ACSL3: variants seen among roughly 807,000 people sequenced by gnomAD.
ACSL3 encodes the protein acyl-CoA synthetase long chain family member 3.
A neutral mutation model predicts 84.7 loss-of-function variants in ACSL3; 34 were observed. The observed-to-expected ratio is 0.40, with a 90% CI of 0.31 to 0.53. The LOEUF (loss-of-function observed/expected upper bound fraction) is 0.53, where lower values mean the gene tolerates loss of function less well. ACSL3 is among the 20% of genes least tolerant of loss of function. The pLI, the probability that ACSL3 is intolerant of heterozygous loss-of-function variation, is 0.48. For synonymous variants in ACSL3, 315 were observed against 299.4 expected (o/e 1.05, Z -0.54); for missense variants, 680 against 873.1 (o/e 0.78, Z 2.79).
At chr2:222,913,932 A>G (rs937185721) in intron 4 of ACSL3, among the ~76,000 whole-genome samples, 1 of 152,202 alleles carries the variant, frequency 6.6e-6, no homozygotes, top group Non-Finnish European at 1.5e-5. Context: ...TGTAGTAAGC[A>G]CTAATAAAGG....
At chr2:222,874,832 T>C (rs1256600624) in intron 1 of ACSL3, among the ~76,000 whole-genome samples, 2 of 151,920 alleles carry the variant, frequency 1.3e-5, no homozygotes, top group Non-Finnish European at 2.9e-5. Flanking sequence ...AGTTTTTAAA[T>C]TACATTGGCT....
At chr2:222,904,148 G>C (rs1696231810) in intron 3 of ACSL3, among the ~76,000 whole-genome samples, 1 of 152,154 alleles carries the variant, frequency 6.6e-6, no homozygotes, top group South Asian at 2.1e-4. Flanking sequence ...GTGCATGCCT[G>C]TAATCCCAGC....
In ACSL3 at chr2:222,923,148, C is replaced by T. The variant is rs751342377; in HGVS notation, c.1151C>T (p.Pro384Leu). The T allele has an allele frequency of 3.7e-6, 6 of 1,612,398 alleles. No individual in the cohort carries two copies. The highest frequency in any genetic ancestry group is 1.3e-5 in the African/African-American group (1 of 74,846). ...AAACCAACACTGATGGCAGCAGTTCCGGTAAGAAGTGACCCTTATTTAATA... is the reference window on the plus strand; with the variant it reads ...AAACCAACACTGATGGCAGCAGTTCTGGTAAGAAGTGACCCTTATTTAATA... The part of the protein sequence containing the change: ...MLKPTLMAAV[P>L]EIMDRIYKNV... Residue 384 changes from proline (P) to leucine (L), a missense_variant and splice_region_variant, in exon 10 of 17, where the codon CCG becomes CTG. By Grantham distance (98) the Pro-to-Leu change is moderately conservative. Transcript: ENST00000357430.
At chr2:222,886,044 TA>T (rs969587376) in intron 1 of ACSL3, among the ~76,000 whole-genome samples, 12 of 149,498 alleles carry the variant, frequency 8.0e-5, no homozygotes, top group African/African-American at 2.2e-4. Flanking sequence ...TGCCTGACTT[TA>T]AAAAAAAAAG....
chr2:222,932,514 A>T (rs1697059156), intron 14 of ACSL3, among the ~76,000 whole-genome samples: 1 of 152,080 alleles, frequency 6.6e-6, no homozygotes, highest in Non-Finnish European at 1.5e-5. Context: ...TTTTTAGTAG[A>T]GTCGGGGTTT....
At chr2:222,889,073 T>C (rs1695786172) in intron 2 of ACSL3, among the ~76,000 whole-genome samples, 1 of 152,188 alleles carries the variant, frequency 6.6e-6, no homozygotes, top group Non-Finnish European at 1.5e-5. Flanking sequence ...TTTAGCAGAT[T>C]TACAATAAAA....
At position 222,927,015 on chromosome 2, in the gene ACSL3, A is replaced by G. The variant is rs757424312; in HGVS notation, c.1293-2A>G. ...CTGTGGTTCTCTAATTTTTTTCTTTAGCTTTGTTTTCCGGAAAGTTCGAAG... is the reference window on the plus strand; with the variant it reads ...CTGTGGTTCTCTAATTTTTTTCTTTGGCTTTGTTTTCCGGAAAGTTCGAAG... On this transcript the variant is annotated splice_acceptor_variant, in intron 11 of 16. Transcript: ENST00000357430. LOFTEE classifies it high-confidence loss of function. The G allele has an allele frequency of 6.2e-7, 1 of 1,607,266 alleles. No individual in the cohort carries two copies. Among genetic ancestry groups the G allele is most frequent in the Non-Finnish European group, 8.5e-7 (1 of 1,175,806 alleles).
chr2:222,928,998 C>A, intron 13 of ACSL3, 62 bp downstream of exon 13: 2 of 1,363,320 alleles, frequency 1.5e-6, no homozygotes, highest in South Asian at 2.4e-5. Flanking sequence ...AAAATTAGTG[C>A]TTCACTTTCT....
intron 1 of ACSL3, among the ~76,000 whole-genome samples, chr2:222,874,113 C>T (rs62187235): frequency 0.098 from 14,943 of 152,176 alleles, 816 homozygotes; most frequent in Non-Finnish European, 0.12. Flanking sequence ...CCTCCATCTC[C>T]CGGATTCAGG....
chr2:222,923,280 T>C lies in ACSL3; in HGVS notation c.1152+131T>C, dbSNP rs187358631. ...ATTTATTCCTTATTGATTATAAATATTGCCTTAGGCGCTATGGGATTTCTT... is the reference window on the plus strand; with the variant it reads ...ATTTATTCCTTATTGATTATAAATACTGCCTTAGGCGCTATGGGATTTCTT... On this transcript the variant is annotated intron_variant, in intron 10 of 16. Transcript: ENST00000357430. The C allele has an allele frequency of 8.0e-5, 60 of 753,818 alleles. No individual in the cohort carries two copies. In the Admixed American group the frequency reaches 8.7e-4, roughly 11 times the overall value. The allele number at this position is 753,818 out of a possible 1,614,324, so 46.7% of individuals were successfully genotyped here. A position where few individuals can be genotyped will look rare whatever the true frequency, so the allele number is the denominator to read the frequency against.
At chr2:222,918,626 A>G (rs1226393604) in intron 6 of ACSL3, among the ~76,000 whole-genome samples, 2 of 150,032 alleles carry the variant, frequency 1.3e-5, no homozygotes, top group South Asian at 4.3e-4. Flanking sequence ...GGGCTATTCT[A>G]TATGGGGGAA....
rs190438702 is a variant in ACSL3 at position 222,909,234 on chromosome 2, T to A, written c.378+84T>A. ...AAGTAAAGGGCAAGCACAGCCTGCC[T>A]CCATTAGAATTCGCTGTTGAAGGAG... On this transcript the variant is annotated intron_variant, in intron 4 of 16. Coordinates refer to ENST00000357430, the MANE Select transcript of ACSL3 (RefSeq NM_004457.5). 6.7e-6 allele frequency: 9 copies of A among 1,346,736 alleles called. No homozygotes were observed. In the Admixed American group the frequency reaches 2.0e-4, roughly 30 times the overall value. The allele number at this position is 1,346,736 out of a possible 1,614,324, so 83.4% of individuals were successfully genotyped here.
At chr2:222,867,300 G>A (rs925066038) in intron 1 of ACSL3, among the ~76,000 whole-genome samples, 16 of 151,976 alleles carry the variant, frequency 1.1e-4, no homozygotes, top group African/African-American at 3.6e-4. Context: ...AAATATTGAC[G>A]CACTTTCTGT....
At chr2:222,899,428 T>A (rs1440243672) in intron 2 of ACSL3, among the ~76,000 whole-genome samples, 1 of 152,006 alleles carries the variant, frequency 6.6e-6, no homozygotes, top group Non-Finnish European at 1.5e-5. Context: ...TGAGCCGAGA[T>A]CGCATCACTG....
chr2:222,877,967 A>G (rs1245407899), intron 1 of ACSL3, among the ~76,000 whole-genome samples: 3 of 152,214 alleles, frequency 2.0e-5, no homozygotes, highest in Non-Finnish European at 2.9e-5. Flanking sequence ...AGTCAAGAAC[A>G]TAATGTGTTT....
At chr2:222,869,896 T>A (rs1007324365) in intron 1 of ACSL3, among the ~76,000 whole-genome samples, 7 of 151,590 alleles carry the variant, frequency 4.6e-5, no homozygotes, top group Admixed American at 1.3e-4. Flanking sequence ...TCTTTATTTA[T>A]TGATTAAACT....
intron 1 of ACSL3, among the ~76,000 whole-genome samples, 174 bp from the exon 2 acceptor site, chr2:222,887,655 AC>A (rs1484292210): frequency 1.3e-5 from 2 of 152,208 alleles, no homozygotes; most frequent in Non-Finnish European, 2.9e-5. Flanking sequence ...AAGAAAAGTT[AC>A]ATGATAAAAA....
chr2:222,929,028 C>G (rs1696954174), intron 13 of ACSL3, 92 bp downstream of exon 13: 1 of 971,198 alleles, frequency 1.0e-6, no homozygotes, highest in East Asian at 2.5e-5. Flanking sequence ...ATGTAAACAC[C>G]CATAAGTGCT....
intron 4 of ACSL3, 34 bp downstream of exon 4, chr2:222,909,184 C>T (rs755523336): frequency 8.8e-5 from 138 of 1,566,902 alleles, no homozygotes; most frequent in Non-Finnish European, 1.1e-4. Flanking sequence ...TGAATTCTTT[C>T]GAATAAAATA....
Sources: gnomAD v4.1 joint callset for allele counts (sites outside exome capture counted in the v4.1 genomes callset) on GRCh38, gnomAD v4.1.1 for gene constraint, MANE v1.5 for transcripts, NCBI Gene and HGNC (gene_info 2026-07-23, HGNC 2026-07-21) for gene names.